Variants in CRYBG1 observed in about 807,000 individuals in gnomAD.
CRYBG1 encodes crystallin beta-gamma domain containing 1.
Under a neutral mutation model 189.2 loss-of-function variants are expected in CRYBG1, and 139 were observed. That is an observed-to-expected ratio of 0.73 (90% CI 0.64 to 0.85). The LOEUF is 0.85. Ranked by LOEUF, CRYBG1 falls within the 40% of genes least tolerant of loss-of-function variation. The pLI, the probability that CRYBG1 is intolerant of heterozygous loss-of-function variation, is 0.00. For synonymous variants in CRYBG1, 1,023 were observed against 1,017.1 expected, an observed-to-expected ratio of 1.01 and a Z score of -0.11; for missense variants, 2,611 against 2,675.8, an observed-to-expected ratio of 0.98 and a Z score of 0.53.
At chr6:106,363,823 G>T (rs1771927247) in intron 1 of CRYBG1, among the ~76,000 whole-genome samples, 2 of 152,138 alleles carry the variant, frequency 1.3e-5, no homozygotes, top group African/African-American at 2.4e-5. Flanking sequence ...CTGTAGGGTT[G>T]TCATGAATAT....
At chr6:106,541,344 CA>C in intron 9 of CRYBG1, 2 of 655,156 alleles carry the variant, frequency 3.1e-6, no homozygotes, top group Admixed American at 2.1e-5. Flanking sequence ...CTTGCTAGGT[CA>C]AAAAACACTC....
chr6:106,437,841 A>G (rs1005094643), intron 1 of CRYBG1, among the ~76,000 whole-genome samples: 3 of 152,170 alleles, frequency 2.0e-5, no homozygotes, highest in Non-Finnish European at 2.9e-5. Flanking sequence ...ATGTTTCTGC[A>G]TTTAATTCTT....
chr6:106,536,793 T>C (rs1200277921), intron 8 of CRYBG1, among the ~76,000 whole-genome samples: 1 of 152,214 alleles, frequency 6.6e-6, no homozygotes, highest in Non-Finnish European at 1.5e-5. Context: ...TGGCGAAAGC[T>C]TATGACCCAA....
At chr6:106,408,426 C>T (rs185645445) in intron 1 of CRYBG1, among the ~76,000 whole-genome samples, 3 of 152,096 alleles carry the variant, frequency 2.0e-5, no homozygotes, top group Non-Finnish European at 4.4e-5. Context: ...GATTCACAGC[C>T]GAATTCTACC....
At chr6:106,369,165 G>C (rs542551193) in intron 1 of CRYBG1, among the ~76,000 whole-genome samples, 15 of 152,352 alleles carry the variant, frequency 9.8e-5, no homozygotes, top group Admixed American at 8.5e-4. Flanking sequence ...AAATGGGGCA[G>C]AGAATCAGAA....
intron 2 of CRYBG1, among the ~76,000 whole-genome samples, chr6:106,468,043 A>G (rs1484209190): frequency 6.6e-6 from 1 of 152,220 alleles, no homozygotes; most frequent in Non-Finnish European, 1.5e-5. Context: ...TAAGTGTTGA[A>G]TAAATGGTGA....
rs1176860267 is a variant in CRYBG1, at chr6:106,441,299, C to T, written c.174-10395C>T. Reference sequence around the variant, plus strand: ...GGGAATTTGAAGCTGACATTTGGAGCTTGTGACTAGCATCTTTGCAAGGAC... The same window carrying T: ...GGGAATTTGAAGCTGACATTTGGAGTTTGTGACTAGCATCTTTGCAAGGAC... On this transcript the variant is annotated intron_variant, in intron 1 of 21. Coordinates refer to ENST00000633556, the MANE Select transcript of CRYBG1 (RefSeq NM_001371242.2). 5.3e-5 allele frequency among the ~76,000 whole-genome samples: 8 copies of T among 152,302 alleles called. No individual in the cohort carries two copies. In the East Asian group the frequency reaches 9.6e-4, roughly 18 times the overall value.
intron 2 of CRYBG1, among the ~76,000 whole-genome samples, chr6:106,489,337 T>TAG (rs1772664046): frequency 6.6e-6 from 1 of 152,134 alleles, no homozygotes; most frequent in Non-Finnish European, 1.5e-5. Context: ...CAGGCAACTC[T>TAG]AGTTGGCCAT....
At chr6:106,400,937 A>G (rs558700419) in intron 1 of CRYBG1, among the ~76,000 whole-genome samples, 1 of 152,314 alleles carries the variant, frequency 6.6e-6, no homozygotes, top group South Asian at 2.1e-4. Flanking sequence ...TGACCAGAGC[A>G]ATGAAAGTGC....
At chr6:106,377,208 A>G (rs937158850) in intron 1 of CRYBG1, among the ~76,000 whole-genome samples, 3 of 152,096 alleles carry the variant, frequency 2.0e-5, no homozygotes, top group Non-Finnish European at 4.4e-5. Flanking sequence ...CCATACATAC[A>G]GTCCTCTATC....
At chr6:106,564,030 T>A in intron 21 of CRYBG1, 104 bp downstream of exon 21, 1 of 1,235,182 alleles carries the variant, frequency 8.1e-7, no homozygotes, top group Non-Finnish European at 1.1e-6. Context: ...TTATTAGTAG[T>A]AACAGTAAGA....
intron 1 of CRYBG1, among the ~76,000 whole-genome samples, chr6:106,436,850 T>C (rs534872511): frequency 6.6e-6 from 1 of 152,330 alleles, no homozygotes; most frequent in South Asian, 2.1e-4. Context: ...AGTAGCATTT[T>C]AAGTCTCTTG....
chr6:106,494,381 G>A (rs112867450), intron 2 of CRYBG1, among the ~76,000 whole-genome samples: 11 of 152,122 alleles, frequency 7.2e-5, no homozygotes, highest in Non-Finnish European at 1.0e-4. Flanking sequence ...TACATTTTAC[G>A]TTTTGTGCTT....
intron 13 of CRYBG1, among the ~76,000 whole-genome samples, chr6:106,545,757 C>T (rs9400024): frequency 6.6e-6 from 1 of 152,298 alleles, no homozygotes; most frequent in East Asian, 1.9e-4. Flanking sequence ...CAGCTCACTG[C>T]AACCTCTGCC....
intron 1 of CRYBG1, among the ~76,000 whole-genome samples, chr6:106,426,409 T>C (rs1408825373): frequency 1.3e-5 from 2 of 152,158 alleles, no homozygotes; most frequent in Non-Finnish European, 2.9e-5. Flanking sequence ...TGATCCTCTT[T>C]ACAGAGAAAA....
chr6:106,393,106 C>A (rs1014955153), intron 1 of CRYBG1, among the ~76,000 whole-genome samples: 3 of 152,218 alleles, frequency 2.0e-5, no homozygotes. Flanking sequence ...ACAATAAAAT[C>A]TCTGTACTAG....
intron 1 of CRYBG1, among the ~76,000 whole-genome samples, chr6:106,380,976 G>T (rs767877799): frequency 6.6e-6 from 1 of 152,124 alleles, no homozygotes; most frequent in Non-Finnish European, 1.5e-5. Context: ...GATTGCAAAT[G>T]GGAAAGAGGA....
intron 3 of CRYBG1, 122 bp from the exon 4 acceptor site, chr6:106,519,009 C>CACACACACACA: frequency 3.8e-6 from 3 of 787,280 alleles, no homozygotes; most frequent in Non-Finnish European, 5.6e-6. Context: ...ACACACACAC[C>CACACACACACA]ACACTCCAAA....
At chr6:106,410,311 A>T (rs1159340302) in intron 1 of CRYBG1, among the ~76,000 whole-genome samples, 2 of 152,266 alleles carry the variant, frequency 1.3e-5, no homozygotes, top group Non-Finnish European at 2.9e-5. Context: ...ATGCAAATCA[A>T]ACCCACAATG....
Sources: allele counts gnomAD v4.1 joint callset (sites outside exome capture counted in the v4.1 genomes callset), GRCh38; gene constraint gnomAD v4.1.1; transcripts MANE v1.5; gene names NCBI Gene and HGNC (gene_info 2026-07-23, HGNC 2026-07-21).